The following IGSF21 variants were observed in gnomAD, a reference collection of about 807,000 sequenced individuals.
IGSF21 encodes immunoglobulin superfamily member 21.
A neutral mutation model predicts 46.8 loss-of-function variants in IGSF21; 28 were observed. That is an observed-to-expected ratio of 0.60 (90% confidence interval 0.44 to 0.82). IGSF21 has a LOEUF of 0.82. Ranked by LOEUF, IGSF21 falls within the 40% of genes least tolerant of loss-of-function variation. The pLI is 0.00. For missense variants in IGSF21, 624 were observed against 665.5 expected (o/e 0.94, Z 0.69); for synonymous variants, 284 against 273.6 (o/e 1.04, Z -0.38).
intron 3 of IGSF21, among the ~76,000 whole-genome samples, chr1:18,309,574 C>G (rs1046543601): frequency 2.4e-4 from 37 of 152,268 alleles, no homozygotes; most frequent in African/African-American, 8.7e-4. Context: ...ACATCTGTCC[C>G]TTTGACAATG....
intron 2 of IGSF21, among the ~76,000 whole-genome samples, chr1:18,287,775 C>G: frequency 6.6e-6 from 1 of 152,204 alleles, no homozygotes; most frequent in East Asian, 1.9e-4. Context: ...AATTCTCGGT[C>G]CCTGCTCTCT....
At chr1:18,196,941 G>A (rs186999840) in intron 1 of IGSF21, among the ~76,000 whole-genome samples, 2 of 152,208 alleles carry the variant, frequency 1.3e-5, no homozygotes, top group Non-Finnish European at 2.9e-5. Context: ...GAAGGAAGAC[G>A]GACGAGCTGG....
At chr1:18,349,796 T>C (rs2085931897) in intron 4 of IGSF21, among the ~76,000 whole-genome samples, 1 of 152,048 alleles carries the variant, frequency 6.6e-6, no homozygotes, top group Admixed American at 6.5e-5. Flanking sequence ...GTGTGCCTCA[T>C]TCCTGTAATC....
At chr1:18,341,209 C>G (rs1362751681) in intron 4 of IGSF21, among the ~76,000 whole-genome samples, 1 of 151,276 alleles carries the variant, frequency 6.6e-6, no homozygotes, top group Non-Finnish European at 1.5e-5. Context: ...AAGCAATGCA[C>G]TCACCTTGGC....
At chr1:18,292,910 C>T (rs2085280763) in intron 3 of IGSF21, among the ~76,000 whole-genome samples, 1 of 152,218 alleles carries the variant, frequency 6.6e-6, no homozygotes, top group East Asian at 1.9e-4. Context: ...CCACGCCACA[C>T]CGCCAAATGC....
intron 7 of IGSF21, 30 bp from the exon 8 acceptor site, chr1:18,376,770 G>T: frequency 6.4e-7 from 1 of 1,555,820 alleles, no homozygotes; most frequent in South Asian, 1.2e-5. Context: ...GCCCTCCTGT[G>T]ACCCACCTCT....
At chr1:18,189,306 C>T (rs2086933147) in intron 1 of IGSF21, among the ~76,000 whole-genome samples, 1 of 152,166 alleles carries the variant, frequency 6.6e-6, no homozygotes, top group African/African-American at 2.4e-5. Flanking sequence ...AGTGTCATCA[C>T]CTCCCAGCTC....
chr1:18,266,885 C>T (rs1226961897), intron 2 of IGSF21, among the ~76,000 whole-genome samples: 5 of 152,190 alleles, frequency 3.3e-5, no homozygotes, highest in African/African-American at 1.2e-4. Flanking sequence ...TCTCATGACC[C>T]TGGATTCCAC....
At chr1:18,135,882 T>G (rs569964532) in intron 1 of IGSF21, among the ~76,000 whole-genome samples, 3 of 152,312 alleles carry the variant, frequency 2.0e-5, no homozygotes, top group African/African-American at 7.2e-5. Context: ...CCACCAGCAG[T>G]GTAAAAGTGT....
At chr1:18,273,468 CT>C (rs370164652) in intron 2 of IGSF21, among the ~76,000 whole-genome samples, 1 of 22,672 alleles carries the variant, frequency 4.4e-5, no homozygotes, top group Non-Finnish European at 1.0e-4. Flanking sequence ...CTCTCTCTTT[CT>C]TTCTTTCTTT....
At chr1:18,364,924 C>A (rs557930605) in intron 5 of IGSF21, among the ~76,000 whole-genome samples, 1 of 152,272 alleles carries the variant, frequency 6.6e-6, no homozygotes, top group Non-Finnish European at 1.5e-5. Context: ...CCCCATGAAG[C>A]AGGTGTCTTA....
intron 9 of IGSF21, 99 bp from the exon 10 acceptor site, chr1:18,378,157 G>A: frequency 3.1e-6 from 3 of 980,878 alleles, no homozygotes; most frequent in Admixed American, 2.0e-5. Flanking sequence ...TTGTCCTGAT[G>A]CTGAAATCCA....
chr1:18,310,962 T>G (rs1054016169), intron 3 of IGSF21, among the ~76,000 whole-genome samples: 1 of 152,198 alleles, frequency 6.6e-6, no homozygotes, highest in African/African-American at 2.4e-5. Flanking sequence ...ACACAGTCAC[T>G]GGATTAGGGC....
intron 1 of IGSF21, among the ~76,000 whole-genome samples, chr1:18,142,756 C>A (rs1295818415): frequency 6.6e-6 from 1 of 152,228 alleles, no homozygotes; most frequent in African/African-American, 2.4e-5. Context: ...TAGCGCTTCC[C>A]CCAGATGGGT....
chr1:18,194,148 T>G (rs1215673119), intron 1 of IGSF21, among the ~76,000 whole-genome samples: 4 of 152,144 alleles, frequency 2.6e-5, no homozygotes, highest in African/African-American at 9.7e-5. Flanking sequence ...AACAGGTCAG[T>G]AGGGGAAGCC....
intron 7 of IGSF21, 143 bp from the exon 8 acceptor site, chr1:18,376,657 C>T: frequency 2.7e-6 from 2 of 748,896 alleles, no homozygotes; most frequent in Non-Finnish European, 4.4e-6. Flanking sequence ...CAGACTCCTC[C>T]TCCTCCTGGA....
intron 4 of IGSF21, among the ~76,000 whole-genome samples, chr1:18,348,462 A>G (rs2085917538): frequency 6.6e-6 from 1 of 152,204 alleles, no homozygotes; most frequent in South Asian, 2.1e-4. Flanking sequence ...GACAAGTGTG[A>G]GGTCAGTACG....
chr1:18,277,797 G>A (rs1412674031), intron 2 of IGSF21, among the ~76,000 whole-genome samples: 2 of 152,168 alleles, frequency 1.3e-5, no homozygotes, highest in African/African-American at 2.4e-5. Flanking sequence ...CGTATAATTC[G>A]TTGATACGAA....
chr1:18,260,945 C>T (rs1288930760), intron 2 of IGSF21, among the ~76,000 whole-genome samples: 1 of 152,214 alleles, frequency 6.6e-6, no homozygotes, highest in Non-Finnish European at 1.5e-5. Context: ...GGGAGGTATG[C>T]AGAGTGAGGG....
Sources: gnomAD v4.1 joint callset for allele counts (sites outside exome capture counted in the v4.1 genomes callset) on GRCh38, gnomAD v4.1.1 for gene constraint, MANE v1.5 for transcripts, NCBI Gene and HGNC (gene_info 2026-07-23, HGNC 2026-07-21) for gene names.